OCA2: variants seen among roughly 807,000 people sequenced by gnomAD.
OCA2 encodes the protein P protein.
OCA2 carries 77 observed loss-of-function variants against 100.2 expected under a neutral mutation model. That is an observed-to-expected ratio of 0.77 (90% CI 0.64 to 0.93). OCA2 has a LOEUF of 0.93. Among genes scored for constraint, OCA2 ranks in the 40% least tolerant of loss-of-function variants. The pLI is 0.00. For missense variants in OCA2, 1,062 were observed against 1,089.1 expected (o/e 0.98, Z 0.35); for synonymous variants, 432 against 439.2 (o/e 0.98, Z 0.21).
At chr15:27,823,661 G>T (rs916761310) in intron 23 of OCA2, among the ~76,000 whole-genome samples, 7 of 152,016 alleles carry the variant, frequency 4.6e-5, no homozygotes, top group African/African-American at 1.7e-4. Context: ...CTGATAAATG[G>T]TACTGAGAAA....
At chr15:27,750,125 T>G (rs2030018185), downstream of OCA2, among the ~76,000 whole-genome samples, 1 of 152,196 alleles carries the variant, frequency 6.6e-6, no homozygotes, top group Non-Finnish European at 1.5e-5. Context: ...GACTGCACCT[T>G]GGTTAGTTGC....
rs144741463 is a variant in OCA2, at chr15:28,001,023, C to T, written c.1045-10376G>A. Among the ~76,000 whole-genome samples the T allele has an allele frequency of 4.6e-5, 7 of 152,186 alleles. No individual in the cohort carries two copies. The East Asian group carries it at 7.7e-4, about 17-fold the overall frequency. On this transcript the variant is annotated intron_variant, in intron 9 of 23. Coordinates refer to ENST00000354638, the MANE Select transcript of OCA2 (RefSeq NM_000275.3). ...TATGCTGTGGGGGTGCAAATTAGTA[C>T]AGCCACATGGAAAGCAATATAGAAC...
At chr15:27,886,194 T>C (rs2037217365) in intron 19 of OCA2, among the ~76,000 whole-genome samples, 1 of 152,220 alleles carries the variant, frequency 6.6e-6, no homozygotes, top group Non-Finnish European at 1.5e-5. Flanking sequence ...AAATGGCAGC[T>C]GCAGCCAGGT....
intron 22 of OCA2, among the ~76,000 whole-genome samples, chr15:27,846,548 T>G (rs938091519): frequency 6.6e-6 from 1 of 152,146 alleles, no homozygotes; most frequent in Admixed American, 6.5e-5. Context: ...GATTAGTGAT[T>G]GAAAAAAATG....
chr15:27,773,516 G>A (rs1469280421), intron 23 of OCA2, among the ~76,000 whole-genome samples: 1 of 152,184 alleles, frequency 6.6e-6, no homozygotes, highest in African/African-American at 2.4e-5. Flanking sequence ...GATGACATCT[G>A]ATAACTATAA....
intron 15 of OCA2, among the ~76,000 whole-genome samples, chr15:27,959,616 T>G (rs2040345161): frequency 6.6e-6 from 1 of 152,190 alleles, no homozygotes; most frequent in African/African-American, 2.4e-5. Context: ...TCTGCGTGGT[T>G]CATCTCTGGT....
intron 11 of OCA2, among the ~76,000 whole-genome samples, chr15:27,987,732 A>C (rs966045876): frequency 2.4e-4 from 36 of 152,098 alleles, no homozygotes; most frequent in Non-Finnish European, 4.4e-4. Context: ...TGTCTCAAAA[A>C]AAAAAGTCCG....
intron 23 of OCA2, among the ~76,000 whole-genome samples, chr15:27,775,949 G>C (rs551234576): frequency 1.3e-5 from 2 of 152,328 alleles, no homozygotes; most frequent in East Asian, 3.9e-4. Context: ...ATTTTGCGGG[G>C]ACATGGTTTA....
chr15:27,746,685 TCTC>T, the OCA2 span, among the ~76,000 whole-genome samples: 1 of 152,108 alleles, frequency 6.6e-6, no homozygotes, highest in South Asian at 2.1e-4. Context: ...TCTGGGGTGT[TCTC>T]CTATGGTGAC....
In OCA2 at chr15:28,031,363, G is replaced by A. The variant is rs116255089; in HGVS notation, c.326+702C>T. On this transcript the variant is annotated intron_variant, in intron 3 of 23. Coordinates refer to ENST00000354638, the MANE Select transcript of OCA2 (RefSeq NM_000275.3). ...GTGACAATGTCACCAAGTTTGTGAC[G>A]TTCAAGGAGCCAGGAAACATGGAGC... Among the ~76,000 whole-genome samples the A allele has an allele frequency of 8.6e-3, 1,311 of 152,256 alleles. 14 individuals are homozygous for A. Among genetic ancestry groups the A allele is most frequent in the African/African-American group, 0.03 (1,236 of 41,550 alleles).
chr15:27,961,288 G>C (rs1279025665), intron 15 of OCA2, among the ~76,000 whole-genome samples: 4 of 152,186 alleles, frequency 2.6e-5, no homozygotes, highest in African/African-American at 9.6e-5. Flanking sequence ...TCATTAAAAA[G>C]TCAGGAAACA....
intron 10 of OCA2, 32 bp downstream of exon 10, chr15:27,990,544 G>C: frequency 6.2e-7 from 1 of 1,606,164 alleles, no homozygotes; most frequent in Non-Finnish European, 8.5e-7. Flanking sequence ...CCACTGAGTG[G>C]TAAGCCAGGG....
intron 13 of OCA2, among the ~76,000 whole-genome samples, chr15:27,983,836 G>A (rs985119634): frequency 6.6e-6 from 1 of 152,052 alleles, no homozygotes; most frequent in African/African-American, 2.4e-5. Flanking sequence ...TGGAGGCAGT[G>A]CGGATGGCTC....
intron 9 of OCA2, among the ~76,000 whole-genome samples, chr15:27,998,167 A>G (rs1555370574): frequency 8.0e-6 from 1 of 124,368 alleles, no homozygotes; most frequent in African/African-American, 2.5e-5. Context: ...AATACCAAAA[A>G]CAATGGCAAC....
chr15:28,022,387 G>GGGTGAGAA, intron 6 of OCA2, 114 bp downstream of exon 6: 1 of 764,228 alleles, frequency 1.3e-6, no homozygotes, highest in Non-Finnish European at 2.3e-6. Flanking sequence ...CAAAATTCGA[G>GGGTGAGAA]TGGTAATGGC....
At chr15:27,829,707 T>A (rs1310251501) in intron 23 of OCA2, among the ~76,000 whole-genome samples, 1 of 152,226 alleles carries the variant, frequency 6.6e-6, no homozygotes, top group Admixed American at 6.5e-5. Context: ...TCAATCAGCA[T>A]CTTCCCTCAG....
chr15:28,074,502 G>A (rs79743671), intron 2 of OCA2, among the ~76,000 whole-genome samples: 15,076 of 152,034 alleles, frequency 0.099, 1,603 homozygotes, highest in East Asian at 0.64. Flanking sequence ...GTGAAACCCC[G>A]TCTCTACTAA....
intron 11 of OCA2, among the ~76,000 whole-genome samples, chr15:27,988,438 C>T (rs2041433953): frequency 6.6e-6 from 1 of 152,138 alleles, no homozygotes; most frequent in Non-Finnish European, 1.5e-5. Flanking sequence ...GGTGAGCCCT[C>T]ATTCAGTGTG....
the OCA2 span, among the ~76,000 whole-genome samples, chr15:27,720,726 G>A: frequency 6.6e-6 from 1 of 152,072 alleles, no homozygotes; most frequent in Non-Finnish European, 1.5e-5. Context: ...CTTGACGATG[G>A]TGACATTTCA....
Sources: gnomAD v4.1 joint callset for allele counts (sites outside exome capture counted in the v4.1 genomes callset) on GRCh38, gnomAD v4.1.1 for gene constraint, MANE v1.5 for transcripts, NCBI Gene and HGNC (gene_info 2026-07-23, HGNC 2026-07-21) for gene names.